Variants in WAPL observed in about 807,000 individuals in gnomAD.
WAPL encodes WAPL cohesin release factor, also known as wings apart-like protein homolog.
A neutral mutation model predicts 121.0 loss-of-function variants in WAPL; 5 were observed. The observed-to-expected ratio is 0.04, with a 90% CI of 0.02 to 0.09. WAPL has a LOEUF of 0.09. Among genes scored for constraint, WAPL ranks in the 10% least tolerant of loss-of-function variants. The pLI is 1.00. For missense variants in WAPL, 999 were observed against 1,410.8 expected (o/e 0.71, Z 4.68); for synonymous variants, 480 against 481.5 (o/e 1.00, Z 0.04).
intron 4 of WAPL, among the ~76,000 whole-genome samples, chr10:86,478,265 C>T (rs1841705116): frequency 6.6e-6 from 1 of 151,770 alleles, no homozygotes; most frequent in East Asian, 1.9e-4. Flanking sequence ...TCAGTCTCTA[C>T]AAAAAATACA....
chr10:86,437,862 T>C (rs1483810329), intron 18 of WAPL, 58 bp downstream of exon 18: 9 of 1,316,632 alleles, frequency 6.8e-6, no homozygotes, highest in South Asian at 1.3e-5. Context: ...TATTTTTATG[T>C]CTACTGTCAA....
intron 2 of WAPL, among the ~76,000 whole-genome samples, chr10:86,505,311 T>TC (rs1333694545): frequency 1.5e-5 from 2 of 137,824 alleles, no homozygotes; most frequent in Admixed American, 1.5e-4. Flanking sequence ...TTTTTTTTTT[T>TC]TTTTTTTTTT....
chr10:86,508,036 G>A (rs1034970741), intron 2 of WAPL, among the ~76,000 whole-genome samples: 4 of 151,892 alleles, frequency 2.6e-5, no homozygotes, highest in African/African-American at 9.7e-5. Flanking sequence ...CAGATAATGG[G>A]GCCTACTAGA....
At chr10:86,509,361 C>T (rs1842412619) in intron 2 of WAPL, among the ~76,000 whole-genome samples, 1 of 152,140 alleles carries the variant, frequency 6.6e-6, no homozygotes, top group African/African-American at 2.4e-5. Context: ...TGCCTCCTTC[C>T]TCATCACTCA....
At chr10:86,485,730 A>G (rs1175834841) in intron 4 of WAPL, among the ~76,000 whole-genome samples, 1 of 31,076 alleles carries the variant, frequency 3.2e-5, no homozygotes, top group African/African-American at 1.8e-4. Context: ...TACTACCTAT[A>G]TAAAAGGAAG....
chr10:86,448,543 A>G (rs1425146709), intron 15 of WAPL, among the ~76,000 whole-genome samples: 1 of 152,250 alleles, frequency 6.6e-6, no homozygotes, highest in Non-Finnish European at 1.5e-5. Flanking sequence ...AGGAAGACAC[A>G]TTAAGCAAAG....
Position 86,472,683 on chromosome 10 carries a change from T to C in WAPL, c.1822A>G (p.Thr608Ala), listed in dbSNP as rs754575146. 4 of 1,613,964 alleles carry C rather than the reference T, an allele frequency of 2.5e-6. No homozygotes were observed. ...TAGGGCTGAGTAGGTATTGTCACAG[T>C]TTTTATCACTTTGGATGGTGGTGCA... is the stretch of plus-strand genomic sequence containing the variant. Reference protein sequence around the residue: ...APAPPSKVIKTVTIPTQPYQD... With the variant: ...APAPPSKVIKAVTIPTQPYQD... The change falls in exon 6 of 19, where the codon ACT (threonine) becomes GCT (alanine). Residue 608 changes from threonine (T) to alanine (A), a missense_variant. Coordinates refer to ENST00000298767, the MANE Select transcript of WAPL (RefSeq NM_015045.5). This position sits in a 1 kb window ranked among gnomAD's most constrained non-coding sequence, Gnocchi z 4.2.
chr10:86,490,337 C>T (rs1357726829), intron 4 of WAPL, among the ~76,000 whole-genome samples: 7 of 152,134 alleles, frequency 4.6e-5, no homozygotes, highest in Non-Finnish European at 8.8e-5. Context: ...GACACTATCA[C>T]TTTGCATCCA....
At chr10:86,518,237 TA>T in intron 1 of WAPL, 146 bp from the exon 2 acceptor site, 1 of 805,782 alleles carries the variant, frequency 1.2e-6, no homozygotes, top group Non-Finnish European at 1.9e-6. Flanking sequence ...GAGGAAGGGG[TA>T]TAAAGAAAGG....
At chr10:86,493,333 A>G (rs1404298035) in intron 4 of WAPL, among the ~76,000 whole-genome samples, 1 of 151,994 alleles carries the variant, frequency 6.6e-6, no homozygotes, top group Non-Finnish European at 1.5e-5. Context: ...TATATTTAAT[A>G]AAATAAACTT....
chr10:86,472,707 C>G lies in WAPL; in HGVS notation c.1798G>C (p.Ala600Pro). 6.2e-7 allele frequency: 1 copy of G among 1,613,794 alleles called. No individual in the cohort carries two copies. The highest frequency in any genetic ancestry group is 8.5e-7 in the Non-Finnish European group (1 of 1,179,854). Reference protein sequence around the residue: ...QKDDGVFKAPAPPSKVIKTVT... With the variant: ...QKDDGVFKAPPPPSKVIKTVT... Reference sequence around the variant, plus strand: ...GTTTTTATCACTTTGGATGGTGGTGCAGGAGCCTTAAAAACTCCATCATCT... The same window carrying G: ...GTTTTTATCACTTTGGATGGTGGTGGAGGAGCCTTAAAAACTCCATCATCT... The change falls in exon 6 of 19, where the codon GCA (alanine) becomes CCA (proline). Residue 600 changes from alanine to proline, a missense_variant. Ala to Pro is a conservative substitution (Grantham distance 27). Transcript: ENST00000298767. This position sits in a 1 kb window ranked among gnomAD's most constrained non-coding sequence, Gnocchi z 4.2.
intron 2 of WAPL, among the ~76,000 whole-genome samples, chr10:86,510,188 C>T (rs1193656360): frequency 6.6e-6 from 1 of 150,816 alleles, no homozygotes; most frequent in Non-Finnish European, 1.5e-5. Flanking sequence ...GATTCTCCTG[C>T]CTCAGCCTCC....
chr10:86,515,480 T>C (rs149140414), intron 2 of WAPL, among the ~76,000 whole-genome samples: 264 of 152,164 alleles, frequency 1.7e-3, no homozygotes, highest in Non-Finnish European at 2.9e-3. Context: ...AAATTCATTT[T>C]AGTTCAAAAA....
intron 12 of WAPL, among the ~76,000 whole-genome samples, chr10:86,456,614 G>A (rs533642280): frequency 1.1e-3 from 162 of 152,226 alleles, no homozygotes; most frequent in Non-Finnish European, 2.1e-3. Context: ...TCTAATCTAC[G>A]CCTAGTTGCC....
intron 15 of WAPL, among the ~76,000 whole-genome samples, chr10:86,448,026 C>T (rs915601511): frequency 5.3e-5 from 8 of 151,454 alleles, no homozygotes; most frequent in African/African-American, 1.7e-4. Context: ...CCAGCCTGGA[C>T]GACAGAGCAA....
At chr10:86,478,057 G>GAAAAAAAA (rs768579639) in intron 4 of WAPL, among the ~76,000 whole-genome samples, 1 of 123,580 alleles carries the variant, frequency 8.1e-6, no homozygotes. Context: ...CTCTGTCTCG[G>GAAAAAAAA]AAAAAAAAAA....
chr10:86,499,135 T>C (rs763461903), intron 3 of WAPL, among the ~76,000 whole-genome samples: 7 of 152,194 alleles, frequency 4.6e-5, no homozygotes, highest in Non-Finnish European at 7.4e-5. Flanking sequence ...ACATATATGC[T>C]TTAAAATTCT....
At chr10:86,502,076 T>C (rs1379170483) in intron 2 of WAPL, among the ~76,000 whole-genome samples, 1 of 152,238 alleles carries the variant, frequency 6.6e-6, no homozygotes, top group African/African-American at 2.4e-5. Context: ...AGAAAGGACT[T>C]ACTCTTGAAG....
intron 12 of WAPL, among the ~76,000 whole-genome samples, chr10:86,455,683 T>TAAAAAAAAAAAAAAAAA (rs539594893): frequency 3.4e-5 from 1 of 29,076 alleles, no homozygotes; most frequent in Non-Finnish European, 7.4e-5. Flanking sequence ...CAATAAATAC[T>TAAAAAAAAAAAAAAAAA]AAAAAAAAAA....
Sources: allele counts gnomAD v4.1 joint callset (sites outside exome capture counted in the v4.1 genomes callset), GRCh38; gene constraint gnomAD v4.1.1; non-coding constraint Gnocchi (gnomAD v3.1); transcripts MANE v1.5; gene names NCBI Gene and HGNC (gene_info 2026-07-23, HGNC 2026-07-21).